The following PPTC7 variants were observed in gnomAD, a reference collection of about 807,000 sequenced individuals.
The protein encoded by PPTC7 is protein phosphatase PTC7 homolog.
A neutral mutation model predicts 30.8 loss-of-function variants in PPTC7; 6 were observed. The observed-to-expected ratio is 0.19, with a 90% CI of 0.11 to 0.38. The LOEUF is 0.38. PPTC7 is among the 10% of genes least tolerant of loss of function. The probability of loss-of-function intolerance (pLI) is 1.00; values close to 1 mark genes in which losing one functional copy is unlikely to be tolerated. For missense variants in PPTC7, 218 were observed against 404.8 expected (o/e 0.54, Z 3.96); for synonymous variants, 163 against 168.1 (o/e 0.97, Z 0.23).
rs2064302695 is a variant in PPTC7 at position 110,545,902 on chromosome 12, C to T, written c.580G>A (p.Glu194Lys). 4 of 1,613,616 alleles carry T rather than the reference C, an allele frequency of 2.5e-6. No homozygotes were observed. Among genetic ancestry groups the T allele is most frequent in the East Asian group, 2.2e-5 (1 of 44,896 alleles). Residue 194 changes from glutamate (E) to lysine (K), a missense_variant, in exon 3 of 6, where the codon GAG becomes AAG. Glu to Lys is a moderately conservative substitution (Grantham distance 56). Transcript: ENST00000354300. ...TACCTGTCGCTCAAGACGACTCCCTCGGCTTCAGGGGGAGCGATTGAGAGC... is the reference window on the plus strand; with the variant it reads ...TACCTGTCGCTCAAGACGACTCCCTTGGCTTCAGGGGGAGCGATTGAGAGC... ...FQLSIAPPEAEGVVLSDSPDA... is the reference protein window; with the variant it reads ...FQLSIAPPEAKGVVLSDSPDA...
Position 110,551,577 on chromosome 12 carries a change from C to T in PPTC7, c.403+212G>A, listed in dbSNP as rs552723245. 1.5e-3 allele frequency among the ~76,000 whole-genome samples: 234 copies of T among 152,218 alleles called. 1 individual carries two copies. The highest frequency in any genetic ancestry group is 2.8e-3 in the Non-Finnish European group (190 of 68,018). On this transcript the variant is annotated intron_variant, in intron 2 of 5. Transcript: ENST00000354300. ...GGTCAGGCTGGTCTCGAATTCCCGA[C>T]CTCAGGTGATCTGCCCACCTCAGCC... is the stretch of plus-strand genomic sequence containing the variant.
At chr12:110,539,424 A>G (rs1265557889) in intron 4 of PPTC7, among the ~76,000 whole-genome samples, 1 of 152,232 alleles carries the variant, frequency 6.6e-6, no homozygotes, top group African/African-American at 2.4e-5. Context: ...TACTGGTGGC[A>G]GCTCAGGTCA....
chr12:110,580,513 A>AT (rs535374252), intron 1 of PPTC7, among the ~76,000 whole-genome samples: 213 of 151,640 alleles, frequency 1.4e-3, no homozygotes, highest in Non-Finnish European at 1.7e-3. Flanking sequence ...TAATTTTTGT[A>AT]TTTTTTAGTA....
chr12:110,567,134 A>G (rs1405214033), intron 1 of PPTC7, among the ~76,000 whole-genome samples: 1 of 152,156 alleles, frequency 6.6e-6, no homozygotes, highest in East Asian at 1.9e-4. Flanking sequence ...TCCCCTGTAC[A>G]TTGTGAGCCT....
intron 1 of PPTC7, among the ~76,000 whole-genome samples, chr12:110,555,431 A>C (rs944413484): frequency 4.6e-5 from 7 of 152,374 alleles, no homozygotes; most frequent in African/African-American, 1.7e-4. Context: ...TCGTTGTTGA[A>C]GCTGAATAAG....
intron 1 of PPTC7, among the ~76,000 whole-genome samples, chr12:110,552,287 T>C (rs1355511408): frequency 6.6e-6 from 1 of 152,248 alleles, no homozygotes; most frequent in Non-Finnish European, 1.5e-5. Flanking sequence ...ATTAATACTT[T>C]GTCTTTTATA....
At chr12:110,573,934 T>C (rs1351047116) in intron 1 of PPTC7, among the ~76,000 whole-genome samples, 1 of 151,752 alleles carries the variant, frequency 6.6e-6, no homozygotes, top group Non-Finnish European at 1.5e-5. Flanking sequence ...TGAGCCGAGA[T>C]TGTGCCATTG....
At chr12:110,559,022 C>A (rs554298481) in intron 1 of PPTC7, among the ~76,000 whole-genome samples, 32 of 151,506 alleles carry the variant, frequency 2.1e-4, no homozygotes, top group African/African-American at 6.8e-4. Flanking sequence ...TAGACTGATG[C>A]TTTTTCCCTT....
intron 1 of PPTC7, among the ~76,000 whole-genome samples, chr12:110,562,286 CAAAAAAAAAAAAA>C (rs11319526): frequency 4.8e-3 from 166 of 34,750 alleles, no homozygotes; most frequent in African/African-American, 0.018. Context: ...GACTCCATCT[CAAAAAAAAAAAAA>C]AAAAAAAAAA....
At chr12:110,545,844 TC>T in intron 3 of PPTC7, 35 bp downstream of exon 3, 1 of 1,599,392 alleles carries the variant, frequency 6.3e-7, no homozygotes, top group Non-Finnish European at 8.6e-7. Context: ...ATGAGCCACG[TC>T]CTGCTCACAC....
At chr12:110,547,936 T>C (rs1178671862) in intron 2 of PPTC7, among the ~76,000 whole-genome samples, 2 of 152,118 alleles carry the variant, frequency 1.3e-5, no homozygotes, top group African/African-American at 4.8e-5. Flanking sequence ...TGAAATCCCC[T>C]CTCTACTAAA....
At chr12:110,541,528 G>A (rs533827586) in intron 3 of PPTC7, among the ~76,000 whole-genome samples, 1 of 148,874 alleles carries the variant, frequency 6.7e-6, no homozygotes, top group East Asian at 2.0e-4. Context: ...GTTAAAACCC[G>A]TTTCTACCAA....
intron 1 of PPTC7, among the ~76,000 whole-genome samples, chr12:110,560,162 G>C (rs569898201): frequency 6.6e-6 from 1 of 152,284 alleles, no homozygotes; most frequent in Admixed American, 6.5e-5. Context: ...CATATTGGGA[G>C]GCTGAGGTAG....
chr12:110,557,979 T>C (rs891462363), intron 1 of PPTC7, among the ~76,000 whole-genome samples: 2 of 152,176 alleles, frequency 1.3e-5, no homozygotes, highest in African/African-American at 4.8e-5. Flanking sequence ...ATGGGGATTA[T>C]TATGGGAACT....
intron 2 of PPTC7, 122 bp downstream of exon 2, chr12:110,551,667 T>A (rs2064350493): frequency 1.1e-6 from 1 of 917,916 alleles, no homozygotes; most frequent in East Asian, 2.5e-5. Context: ...AGTTTCTCTA[T>A]CACACTCTGC....
At chr12:110,582,777 G>T (rs767618241) in intron 1 of PPTC7, 32 bp downstream of exon 1, 3 of 1,511,466 alleles carry the variant, frequency 2.0e-6, no homozygotes, top group South Asian at 1.2e-5. Flanking sequence ...CGGATCCGAG[G>T]CTGGGGCAAG....
In PPTC7 at chr12:110,534,999, G is replaced by A. The variant is rs542868548; in HGVS notation, c.*2038C>T. 2.0e-5 allele frequency: 3 copies of A among 152,712 alleles called. No homozygotes were observed. Among genetic ancestry groups the A allele is most frequent in the African/African-American group, 7.2e-5 (3 of 41,550 alleles). The allele number at this position is 152,712 out of a possible 1,614,324, so 9.5% of individuals were successfully genotyped here. On this transcript the variant is annotated 3_prime_UTR_variant, in exon 6 of 6. Coordinates refer to ENST00000354300, the MANE Select transcript of PPTC7 (RefSeq NM_139283.2). The stretch of plus-strand genomic sequence containing the variant: ...AAAATAATTGAAAACCTAAACAAAA[G>A]AGCTGAAGTTGTCAGTCCTAATATA...
At chr12:110,582,035 T>C (rs1024593074) in intron 1 of PPTC7, among the ~76,000 whole-genome samples, 3 of 152,174 alleles carry the variant, frequency 2.0e-5, no homozygotes, top group African/African-American at 2.4e-5. Flanking sequence ...GCTCTCTCCG[T>C]AGTCTCCCAC....
At chr12:110,582,784 C>A (rs752713063) in intron 1 of PPTC7, 25 bp downstream of exon 1, 1 of 1,529,156 alleles carries the variant, frequency 6.5e-7, no homozygotes, top group South Asian at 1.2e-5. Context: ...GAGGCTGGGG[C>A]AAGGGAACCG....
Sources: allele counts gnomAD v4.1 joint callset (sites outside exome capture counted in the v4.1 genomes callset), GRCh38; gene constraint gnomAD v4.1.1; transcripts MANE v1.5; gene names NCBI Gene and HGNC (gene_info 2026-07-23, HGNC 2026-07-21).